The following BLOC1S5 variants were observed in gnomAD, a reference collection of about 807,000 sequenced individuals.
The protein encoded by BLOC1S5 is biogenesis of lysosomal organelles complex 1 subunit 5.
In BLOC1S5, 27 loss-of-function variants were observed where a neutral mutation model predicts 24.3. The ratio of observed to expected loss-of-function variants is 1.11; its 90% confidence interval spans 0.82 to 1.53. BLOC1S5 has a LOEUF of 1.53. Among genes scored for constraint, BLOC1S5 ranks in the 40% most tolerant of loss-of-function variants. The pLI is 0.00. For synonymous variants in BLOC1S5, 84 were observed against 74.5 expected, an observed-to-expected ratio of 1.13 and a Z score of -0.66; for missense variants, 239 against 229.4, an observed-to-expected ratio of 1.04 and a Z score of -0.27.
intron 4 of BLOC1S5, chr6:8,017,637 A>G (rs1317662870): frequency 6.6e-6 from 1 of 152,248 alleles, no homozygotes; most frequent in Non-Finnish European, 1.5e-5. Flanking sequence ...GAATAAGCCA[A>G]TGTGCTCTAA....
At chr6:8,037,981 C>T (rs1297548983) in intron 3 of BLOC1S5, among the ~76,000 whole-genome samples, 4 of 152,154 alleles carry the variant, frequency 2.6e-5, no homozygotes, top group African/African-American at 4.8e-5. Context: ...CTCTGTCTCT[C>T]ACCATCCACA....
rs547556000 is a variant in BLOC1S5, at chr6:8,035,776, C to T, written c.325+5363G>A. Reference sequence around the variant, plus strand: ...TAGATCTAAAGGGAGAGATAGAATGCAATAGCCGCAGGAGACTTCAACATC... The same window carrying T: ...TAGATCTAAAGGGAGAGATAGAATGTAATAGCCGCAGGAGACTTCAACATC... On this transcript the variant is annotated intron_variant, in intron 3 of 4. Coordinates refer to ENST00000397457, the MANE Select transcript of BLOC1S5 (RefSeq NM_201280.3). Among the ~76,000 whole-genome samples the T allele has an allele frequency of 2.6e-4, 39 of 152,240 alleles. No individual in the cohort carries two copies. The South Asian group carries it at 8.1e-3, about 32-fold the overall frequency.
intron 2 of BLOC1S5, among the ~76,000 whole-genome samples, chr6:8,046,120 T>C (rs771224314): frequency 1.1e-4 from 17 of 152,196 alleles, no homozygotes; most frequent in Non-Finnish European, 2.9e-5. Flanking sequence ...AATTGAATCA[T>C]GGGGCCAGTC....
At chr6:8,047,664 CCA>C (rs1382660430) in intron 2 of BLOC1S5, among the ~76,000 whole-genome samples, 1 of 152,136 alleles carries the variant, frequency 6.6e-6, no homozygotes, top group Admixed American at 6.5e-5. Context: ...GCACAGTTTC[CCA>C]CAGTCTGTTG....
At chr6:8,027,679 C>T (rs1435943841) in intron 3 of BLOC1S5, among the ~76,000 whole-genome samples, 2 of 152,070 alleles carry the variant, frequency 1.3e-5, no homozygotes, top group African/African-American at 2.4e-5. Context: ...ACTAAAAATA[C>T]AAAAATTAGC....
intron 4 of BLOC1S5, among the ~76,000 whole-genome samples, chr6:8,020,382 A>C (rs1161372248): frequency 6.6e-6 from 1 of 152,196 alleles, no homozygotes. Context: ...AACAAATACC[A>C]CTTTCTAAGG....
In BLOC1S5 at chr6:8,026,423, G is replaced by C; in HGVS notation, c.328C>G (p.Gln110Glu). ...CTACAGACTGAGTCATTAGCTGCTT[G>C]CACTGAAATGAAAAAGACATGGGTT... is the stretch of plus-strand genomic sequence containing the variant. ...DSLSQVLQRLQAANDSVCRLQ... is the reference protein window; with the variant it reads ...DSLSQVLQRLEAANDSVCRLQ... The change falls in exon 4 of 5, where the codon CAA becomes GAA. Residue 110 changes from glutamine to glutamate, a missense_variant and splice_region_variant. By Grantham distance (29) the Gln-to-Glu change is conservative. Transcript: ENST00000397457. 1.1e-5 allele frequency: 18 copies of C among 1,613,002 alleles called. No homozygotes were observed. The highest frequency in any genetic ancestry group is 1.4e-5 in the Non-Finnish European group (17 of 1,179,482).
chr6:8,019,362 G>A (rs1351865324), intron 4 of BLOC1S5, among the ~76,000 whole-genome samples: 2 of 149,920 alleles, frequency 1.3e-5, no homozygotes, highest in Non-Finnish European at 2.9e-5. Flanking sequence ...TCTGCCTCCC[G>A]GGTTCAAGCA....
At chr6:8,032,279 TGCCATCA>T (rs1452369355) in intron 3 of BLOC1S5, among the ~76,000 whole-genome samples, 2 of 151,742 alleles carry the variant, frequency 1.3e-5, no homozygotes, top group Non-Finnish European at 2.9e-5. Context: ...AGAAAAACAA[TGCCATCA>T]AAAATGGGCT....
intron 3 of BLOC1S5, among the ~76,000 whole-genome samples, chr6:8,038,094 CAA>C (rs1763547948): frequency 1.3e-5 from 2 of 152,154 alleles, no homozygotes. Context: ...TTGGTCTGGG[CAA>C]AGACTTTTTT....
intron 4 of BLOC1S5, among the ~76,000 whole-genome samples, chr6:8,020,550 G>T (rs574759228): frequency 6.6e-6 from 1 of 152,278 alleles, no homozygotes; most frequent in South Asian, 2.1e-4. Flanking sequence ...AGTTTCTCTG[G>T]AAATCATTCA....
chr6:8,060,886 G>A (rs1336401220), intron 2 of BLOC1S5, among the ~76,000 whole-genome samples: 1 of 151,980 alleles, frequency 6.6e-6, no homozygotes, highest in African/African-American at 2.4e-5. Flanking sequence ...GTGCAATGGC[G>A]CGTTCTCGGC....
intron 3 of BLOC1S5, among the ~76,000 whole-genome samples, chr6:8,039,566 A>C (rs1005065975): frequency 7.9e-5 from 12 of 152,330 alleles, no homozygotes; most frequent in African/African-American, 2.9e-4. Flanking sequence ...CAAAATACGT[A>C]CATTATACAA....
Position 8,041,186 on chromosome 6 carries a change from T to A in BLOC1S5, c.278A>T (p.Lys93Ile), listed in dbSNP as rs1302298876. Reference sequence around the variant, plus strand: ...GCTGTCCCGCATTGTGTCTCTACATTTGGGAAGAGTATGTTCATTTGTTTC... The same window carrying A: ...GCTGTCCCGCATTGTGTCTCTACATATGGGAAGAGTATGTTCATTTGTTTC... ...IHETNEHTLP[K>I]CRDTMRDSLS... The change falls in exon 3 of 5, where the codon AAA becomes ATA. Residue 93 changes from lysine to isoleucine, a missense_variant. Transcript: ENST00000397457. 2 of 1,612,594 alleles carry A rather than the reference T, an allele frequency of 1.2e-6. No individual in the cohort carries two copies. The highest frequency in any genetic ancestry group is 1.7e-6 in the Non-Finnish European group (2 of 1,179,358).
chr6:8,026,842 T>C (rs1763125053), intron 3 of BLOC1S5, among the ~76,000 whole-genome samples: 1 of 152,226 alleles, frequency 6.6e-6, no homozygotes. Flanking sequence ...CATTAAGTCA[T>C]TTCTCTTTCT....
At position 8,041,696 on chromosome 6, in the gene BLOC1S5, G is replaced by A. The variant is rs530059745; in HGVS notation, c.196-428C>T. 4.5e-5 allele frequency among the ~76,000 whole-genome samples: 6 copies of A among 134,578 alleles called. No homozygotes were observed. In the East Asian group the frequency reaches 1.5e-3, roughly 35 times the overall value. The allele number at this position is 134,578 out of a possible 152,430, so 88.3% of individuals were successfully genotyped here. A position where few individuals can be genotyped will look rare whatever the true frequency, so the allele number is the denominator to read the frequency against. On this transcript the variant is annotated intron_variant, in intron 2 of 4. Transcript: ENST00000397457. ...CAGTCTCGCCCTGTCGCCCAGACTG[G>A]AGTGCGGTGGCGCTCTCTCTGCTCA...
At chr6:8,058,383 A>T (rs889254669) in intron 2 of BLOC1S5, among the ~76,000 whole-genome samples, 23 of 116,630 alleles carry the variant, frequency 2.0e-4, no homozygotes, top group Admixed American at 3.4e-4. Flanking sequence ...AAAAAAAAAA[A>T]AAAAAAAATA....
intron 3 of BLOC1S5, among the ~76,000 whole-genome samples, chr6:8,038,813 T>C (rs1214405159): frequency 6.6e-6 from 1 of 152,144 alleles, no homozygotes; most frequent in East Asian, 1.9e-4. Flanking sequence ...AGATGAAGAA[T>C]AATGGATACT....
chr6:8,024,705 C>T (rs889157646), intron 4 of BLOC1S5, among the ~76,000 whole-genome samples: 14 of 152,058 alleles, frequency 9.2e-5, no homozygotes, highest in African/African-American at 3.4e-4. Context: ...CACACGGTGA[C>T]CGCTCGCATC....
Sources: gnomAD v4.1 joint callset for allele counts (sites outside exome capture counted in the v4.1 genomes callset) on GRCh38, gnomAD v4.1.1 for gene constraint, MANE v1.5 for transcripts, NCBI Gene and HGNC (gene_info 2026-07-23, HGNC 2026-07-21) for gene names.